EYA2: variants seen among roughly 807,000 people sequenced by gnomAD.
The protein encoded by EYA2 is EYA transcriptional coactivator and phosphatase 2.
Under a neutral mutation model 69.2 loss-of-function variants are expected in EYA2, and 31 were observed. The observed-to-expected ratio is 0.45, with a 90% CI of 0.34 to 0.60. The LOEUF is 0.60. Ranked by LOEUF, EYA2 falls within the 20% of genes least tolerant of loss-of-function variation. The pLI is 0.02. For missense variants in EYA2, 622 were observed against 701.2 expected, an observed-to-expected ratio of 0.89 and a Z score of 1.28; for synonymous variants, 257 against 279.4, an observed-to-expected ratio of 0.92 and a Z score of 0.80.
chr20:46,970,076 G>C (rs1191930384), intron 1 of EYA2, among the ~76,000 whole-genome samples: 1 of 152,138 alleles, frequency 6.6e-6, no homozygotes, highest in Non-Finnish European at 1.5e-5. Flanking sequence ...TTAAAACATA[G>C]ATCAACTCAA....
At chr20:46,934,810 A>G (rs1480056978) in intron 1 of EYA2, among the ~76,000 whole-genome samples, 1 of 152,212 alleles carries the variant, frequency 6.6e-6, no homozygotes, top group African/African-American at 2.4e-5. Flanking sequence ...AGTGGATCAC[A>G]AGGAATTGGA....
At chr20:47,138,844 G>A (rs927334279) in intron 9 of EYA2, among the ~76,000 whole-genome samples, 6 of 152,094 alleles carry the variant, frequency 3.9e-5, no homozygotes, top group African/African-American at 1.2e-4. Context: ...CCTTCTAGAA[G>A]TAACTGCCTT....
At chr20:47,028,245 G>A (rs1686723460) in intron 5 of EYA2, among the ~76,000 whole-genome samples, 1 of 152,208 alleles carries the variant, frequency 6.6e-6, no homozygotes, top group African/African-American at 2.4e-5. Context: ...GGACTTCTTG[G>A]ACTCCAGAAC....
chr20:47,143,958 A>T (rs1173077166), intron 10 of EYA2, among the ~76,000 whole-genome samples: 1 of 152,226 alleles, frequency 6.6e-6, no homozygotes. Flanking sequence ...AAGAGCAAGC[A>T]ACTTTCTCCA....
At chr20:47,026,598 T>G (rs1186050886) in intron 5 of EYA2, among the ~76,000 whole-genome samples, 1 of 152,218 alleles carries the variant, frequency 6.6e-6, no homozygotes, top group Non-Finnish European at 1.5e-5. Context: ...TCAAAAATGA[T>G]TCTACTAGTC....
intron 5 of EYA2, among the ~76,000 whole-genome samples, chr20:47,048,266 T>C (rs1403858258): frequency 1.3e-5 from 2 of 151,554 alleles, no homozygotes; most frequent in Admixed American, 6.6e-5. Context: ...GGGAGGAGAG[T>C]GTGGCCACGT....
intron 1 of EYA2, among the ~76,000 whole-genome samples, chr20:46,968,672 A>G (rs1367376712): frequency 6.6e-6 from 1 of 152,046 alleles, no homozygotes; most frequent in Non-Finnish European, 1.5e-5. Flanking sequence ...TTTTAGTAGC[A>G]TTCCTGACTT....
intron 2 of EYA2, among the ~76,000 whole-genome samples, chr20:47,000,086 C>T (rs951305534): frequency 1.3e-5 from 2 of 152,154 alleles, no homozygotes; most frequent in East Asian, 3.9e-4. Flanking sequence ...TCCTGTGTGG[C>T]CCTGGGTGAG....
intron 1 of EYA2, chr20:46,978,585 G>C (rs779548321): frequency 2.6e-5 from 14 of 534,702 alleles, no homozygotes; most frequent in Non-Finnish European, 5.4e-5. Context: ...GGAACTCTTT[G>C]CTTTATCTTA....
intron 7 of EYA2, 106 bp downstream of exon 7, chr20:47,074,441 G>A: frequency 8.2e-7 from 1 of 1,221,206 alleles, no homozygotes; most frequent in South Asian, 1.5e-5. Context: ...TTACCCAAGG[G>A]TCATTCATGG....
intron 5 of EYA2, among the ~76,000 whole-genome samples, chr20:47,051,168 T>C (rs1268844681): frequency 1.3e-5 from 2 of 152,272 alleles, no homozygotes; most frequent in Non-Finnish European, 2.9e-5. Flanking sequence ...CGTTGAGCAC[T>C]GGCTGCCAAG....
At chr20:47,112,889 T>TTTTTTTTTTTA (rs1339901243) in intron 9 of EYA2, among the ~76,000 whole-genome samples, 1 of 131,096 alleles carries the variant, frequency 7.6e-6, no homozygotes, top group Non-Finnish European at 1.6e-5. Context: ...TTTTTTTTTT[T>TTTTTTTTTTTA]GAGACGGAGT....
intron 5 of EYA2, among the ~76,000 whole-genome samples, chr20:47,057,520 C>CG (rs1441934832): frequency 2.0e-5 from 3 of 151,188 alleles, no homozygotes; most frequent in South Asian, 2.1e-4. Context: ...ACCCCCCCCC[C>CG]CCATCTCATA....
chr20:47,093,638 G>A (rs1435703839), intron 8 of EYA2, among the ~76,000 whole-genome samples: 1 of 152,118 alleles, frequency 6.6e-6, no homozygotes, highest in African/African-American at 2.4e-5. Flanking sequence ...TCCCTTACAG[G>A]GGCCTGTAGC....
chr20:47,032,216 G>C (rs1015360804), intron 5 of EYA2, among the ~76,000 whole-genome samples: 1 of 152,162 alleles, frequency 6.6e-6, no homozygotes, highest in Non-Finnish European at 1.5e-5. Flanking sequence ...GTAAAGCGGG[G>C]ACCAGAGTCC....
At chr20:47,059,448 G>A (rs1012843386) in intron 5 of EYA2, among the ~76,000 whole-genome samples, 5 of 152,154 alleles carry the variant, frequency 3.3e-5, no homozygotes, top group African/African-American at 1.2e-4. Flanking sequence ...TCTGCCTCCT[G>A]GGTTCAATTC....
intron 9 of EYA2, among the ~76,000 whole-genome samples, chr20:47,108,720 C>G (rs1039566603): frequency 6.6e-6 from 1 of 151,850 alleles, no homozygotes; most frequent in Non-Finnish European, 1.5e-5. Flanking sequence ...TACAGGTGCA[C>G]ACCACTGTGC....
chr20:47,002,919 A>C (rs1276980556), intron 3 of EYA2, among the ~76,000 whole-genome samples: 2 of 152,246 alleles, frequency 1.3e-5, no homozygotes, highest in Non-Finnish European at 2.9e-5. Context: ...AAAAGAAAGA[A>C]GGGCATAGGG....
At chr20:47,091,481 A>G (rs3787254) in intron 8 of EYA2, among the ~76,000 whole-genome samples, 38,380 of 151,644 alleles carry the variant, frequency 0.25, 5,083 homozygotes, top group East Asian at 0.36. Flanking sequence ...GCTCACGCCT[A>G]TAACCTTACC....
Sources: gnomAD v4.1 joint callset for allele counts (sites outside exome capture counted in the v4.1 genomes callset) on GRCh38, gnomAD v4.1.1 for gene constraint, MANE v1.5 for transcripts, NCBI Gene and HGNC (gene_info 2026-07-23, HGNC 2026-07-21) for gene names.